Variants in TMPRSS15 observed in about 807,000 individuals in gnomAD.
TMPRSS15 encodes the protein transmembrane serine protease 15, also known as enteropeptidase.
A neutral mutation model predicts 125.3 loss-of-function variants in TMPRSS15; 128 were observed. That is an observed-to-expected ratio of 1.02 (90% CI 0.89 to 1.18). The LOEUF (loss-of-function observed/expected upper bound fraction) is 1.18, where lower values mean the gene tolerates loss of function less well. Ranked by LOEUF, TMPRSS15 falls within the 50% of genes most tolerant of loss-of-function variation. TMPRSS15 has a pLI of 0.00. For synonymous variants in TMPRSS15, 446 were observed against 423.2 expected, an observed-to-expected ratio of 1.05 and a Z score of -0.66; for missense variants, 1,283 against 1,212.7, an observed-to-expected ratio of 1.06 and a Z score of -0.86.
intron 1 of TMPRSS15, among the ~76,000 whole-genome samples, chr21:18,413,234 T>TTC (rs72171532): frequency 4.2e-5 from 6 of 143,048 alleles, no homozygotes; most frequent in East Asian, 2.2e-4. Flanking sequence ...TTCCTTCCTT[T>TTC]TCTCTCTCTT....
intron 15 of TMPRSS15, among the ~76,000 whole-genome samples, chr21:18,328,439 C>A (rs1004996075): frequency 2.6e-5 from 4 of 152,138 alleles, no homozygotes; most frequent in African/African-American, 9.7e-5. Flanking sequence ...TAAGAGCTAT[C>A]TTTGGACATC....
At chr21:18,291,800 G>T (rs2074838828) in intron 21 of TMPRSS15, among the ~76,000 whole-genome samples, 1 of 152,106 alleles carries the variant, frequency 6.6e-6, no homozygotes, top group Non-Finnish European at 1.5e-5. Context: ...AAAATGCGTG[G>T]TTGGTAAGGA....
intron 1 of TMPRSS15, among the ~76,000 whole-genome samples, chr21:18,431,799 C>A (rs557459071): frequency 6.6e-6 from 1 of 152,190 alleles, no homozygotes; most frequent in Admixed American, 6.5e-5. Flanking sequence ...AAAATGCCTA[C>A]TAGAGCCTTT....
intron 1 of TMPRSS15, among the ~76,000 whole-genome samples, chr21:18,445,360 T>C (rs13048545): frequency 0.38 from 56,972 of 151,546 alleles, 11,394 homozygotes; most frequent in Middle Eastern, 0.5. Context: ...TTTGTATTTT[T>C]AATAGAGATG....
chr21:18,417,880 T>G (rs951945599), intron 1 of TMPRSS15, among the ~76,000 whole-genome samples: 5 of 151,920 alleles, frequency 3.3e-5, no homozygotes, highest in Admixed American at 6.6e-5. Flanking sequence ...CACATACACA[T>G]TCATGCACAA....
chr21:18,283,656 TA>T, intron 21 of TMPRSS15, among the ~76,000 whole-genome samples: 1 of 152,082 alleles, frequency 6.6e-6, no homozygotes, highest in East Asian at 1.9e-4. Flanking sequence ...ATGTCATTAT[TA>T]AAAATTATAG....
upstream of TMPRSS15, chr21:18,403,803 C>T: frequency 1.5e-6 from 1 of 650,168 alleles, no homozygotes; most frequent in Non-Finnish European, 2.7e-6. Context: ...TGTCTCTATA[C>T]ATTAAGTATC....
At chr21:18,287,374 C>T (rs1471343541) in intron 21 of TMPRSS15, among the ~76,000 whole-genome samples, 4 of 152,148 alleles carry the variant, frequency 2.6e-5, no homozygotes, top group Admixed American at 2.6e-4. Context: ...TCTGTTCTTC[C>T]TCAGTCTTCT....
intron 7 of TMPRSS15, among the ~76,000 whole-genome samples, chr21:18,363,337 C>G (rs1255287527): frequency 6.6e-6 from 1 of 151,858 alleles, no homozygotes; most frequent in African/African-American, 2.4e-5. Context: ...TGGAAAGAAA[C>G]TAAAAACAAT....
At chr21:18,465,618 C>A (rs2122955647) in intron 1 of TMPRSS15, among the ~76,000 whole-genome samples, 11 of 152,096 alleles carry the variant, frequency 7.2e-5, no homozygotes, top group African/African-American at 2.7e-4. Context: ...AAACAAATAA[C>A]AGACAAACAG....
chr21:18,468,175 C>A (rs147510232), intron 1 of TMPRSS15, among the ~76,000 whole-genome samples: 1,867 of 152,222 alleles, frequency 0.012, 39 homozygotes, highest in African/African-American at 0.043. Context: ...GGAAGGCTTA[C>A]AATGACTATT....
At chr21:18,365,000 T>C in intron 7 of TMPRSS15, 140 bp downstream of exon 7, 1 of 703,488 alleles carries the variant, frequency 1.4e-6, no homozygotes, top group Non-Finnish European at 2.5e-6. Flanking sequence ...TAGTTTTTTG[T>C]ACAGTTTTTC....
rs1350480675 is a variant in TMPRSS15 at position 18,437,503 on chromosome 21, C to T, written c.11-39174G>A. ...ATCTAATTAAACTAAAGAGCTTCTGCACAGCGAAAAAAACTACCGTCAGAG... is the reference window on the plus strand; with the variant it reads ...ATCTAATTAAACTAAAGAGCTTCTGTACAGCGAAAAAAACTACCGTCAGAG... On this transcript the variant is annotated intron_variant, in intron 1 of 7. Transcript: ENST00000422787. Among the ~76,000 whole-genome samples the T allele has an allele frequency of 2.0e-5, 3 of 152,118 alleles. No homozygotes were observed. In the East Asian group the frequency reaches 5.8e-4, roughly 29 times the overall value.
chr21:18,351,302 A>C (rs921466064), intron 10 of TMPRSS15, among the ~76,000 whole-genome samples: 1 of 152,328 alleles, frequency 6.6e-6, no homozygotes. Flanking sequence ...AAAGTTGTAG[A>C]TATTTATTTA....
At chr21:18,290,818 C>T (rs1316547294) in intron 21 of TMPRSS15, among the ~76,000 whole-genome samples, 2 of 121,036 alleles carry the variant, frequency 1.7e-5, no homozygotes, top group African/African-American at 6.4e-5. Flanking sequence ...ATACATCTAA[C>T]CTACTACGAA....
At chr21:18,325,524 A>G (rs1454115505) in intron 16 of TMPRSS15, among the ~76,000 whole-genome samples, 1 of 152,148 alleles carries the variant, frequency 6.6e-6, no homozygotes, top group African/African-American at 2.4e-5. Flanking sequence ...TGTATTAGAT[A>G]ATAGGCCAGA....
Position 18,362,078 on chromosome 21 carries a change from A to T in TMPRSS15, c.774-2215T>A, listed in dbSNP as rs149906608. 5.3e-4 allele frequency among the ~76,000 whole-genome samples: 80 copies of T among 152,204 alleles called. No individual in the cohort carries two copies. In the East Asian group the frequency reaches 0.015, roughly 28 times the overall value. ...GCTACACTCATGGCTACTCTAAGAC[A>T]TGTCTGGTAACCACCGGCAGAGGTA... On this transcript the variant is annotated intron_variant, in intron 7 of 24. Transcript: ENST00000284885.
intron 1 of TMPRSS15, among the ~76,000 whole-genome samples, chr21:18,485,360 C>T (rs912072260): frequency 6.6e-6 from 1 of 151,760 alleles, no homozygotes; most frequent in South Asian, 2.1e-4. Flanking sequence ...GTAGAAAAGA[C>T]GAGGTGATAG....
intron 13 of TMPRSS15, among the ~76,000 whole-genome samples, chr21:18,339,807 A>G (rs888552821): frequency 6.6e-6 from 1 of 152,178 alleles, no homozygotes; most frequent in African/African-American, 2.4e-5. Context: ...TCAAACCCCT[A>G]ATCTGAAAGT....
Sources: allele counts gnomAD v4.1 joint callset (sites outside exome capture counted in the v4.1 genomes callset), GRCh38; gene constraint gnomAD v4.1.1; transcripts MANE v1.5; gene names NCBI Gene and HGNC (gene_info 2026-07-23, HGNC 2026-07-21).